The following SPACA1 variants were observed in gnomAD, a reference collection of about 807,000 sequenced individuals.
The protein encoded by SPACA1 is sperm acrosome associated 1, also known as sperm acrosome membrane-associated protein 1.
Under a neutral mutation model 32.6 loss-of-function variants are expected in SPACA1, and 17 were observed. That is an observed-to-expected ratio of 0.52 (90% CI 0.36 to 0.78). The LOEUF is 0.78. SPACA1 is among the 30% of genes least tolerant of loss of function. The probability of loss-of-function intolerance (pLI) is 0.01; values close to 1 mark genes in which losing one functional copy is unlikely to be tolerated. For synonymous variants in SPACA1, 140 were observed against 138.1 expected, an observed-to-expected ratio of 1.01 and a Z score of -0.10; for missense variants, 363 against 373.4, an observed-to-expected ratio of 0.97 and a Z score of 0.23.
intron 2 of SPACA1, among the ~76,000 whole-genome samples, chr6:88,057,007 A>AT (rs1202228700): frequency 6.6e-6 from 1 of 152,160 alleles, no homozygotes; most frequent in Non-Finnish European, 1.5e-5. Flanking sequence ...CTAAAATGTG[A>AT]TTTTTTATTT....
intron 6 of SPACA1, 21 bp from the exon 7 acceptor site, chr6:88,066,161 G>A (rs767279997): frequency 4.5e-6 from 7 of 1,544,772 alleles, no homozygotes; most frequent in Non-Finnish European, 4.4e-6. Context: ...TGGTGGTTTT[G>A]GTTTTTGTTT....
At chr6:88,049,048 C>G (rs1775690123) in intron 1 of SPACA1, among the ~76,000 whole-genome samples, 2 of 152,100 alleles carry the variant, frequency 1.3e-5, no homozygotes, top group Non-Finnish European at 2.9e-5. Context: ...ATCCTCAGCA[C>G]CAACAGAAAG....
chr6:88,065,076 G>A (rs964123584), intron 6 of SPACA1, among the ~76,000 whole-genome samples: 2 of 148,050 alleles, frequency 1.4e-5, no homozygotes, highest in African/African-American at 4.9e-5. Context: ...GGCTTACCAG[G>A]GTGTAATGCT....
intron 6 of SPACA1, among the ~76,000 whole-genome samples, chr6:88,065,235 A>G (rs1409729196): frequency 6.7e-6 from 1 of 148,926 alleles, no homozygotes; most frequent in Non-Finnish European, 1.5e-5. Context: ...ATACATATAT[A>G]GACACATGTA....
At chr6:88,052,800 A>G (rs191174470) in intron 1 of SPACA1, among the ~76,000 whole-genome samples, 5 of 152,228 alleles carry the variant, frequency 3.3e-5, no homozygotes, top group Non-Finnish European at 5.9e-5. Context: ...TCATGCCACT[A>G]CACTCCAGCC....
chr6:88,047,402 T>C (rs186701465), upstream of SPACA1, among the ~76,000 whole-genome samples: 7 of 152,360 alleles, frequency 4.6e-5, no homozygotes, highest in East Asian at 1.2e-3. Flanking sequence ...AAATTGGATA[T>C]TCTGGATAAG....
At chr6:88,054,248 A>T (rs1250882185) in intron 2 of SPACA1, among the ~76,000 whole-genome samples, 2 of 151,260 alleles carry the variant, frequency 1.3e-5, no homozygotes, top group African/African-American at 4.9e-5. Flanking sequence ...TTGCACATAA[A>T]CTGCCTTCAC....
At chr6:88,054,668 T>C (rs1055155631) in intron 2 of SPACA1, among the ~76,000 whole-genome samples, 1 of 151,904 alleles carries the variant, frequency 6.6e-6, no homozygotes, top group Non-Finnish European at 1.5e-5. Context: ...GGAAAGAAAA[T>C]AGTGATGAGA....
chr6:88,062,710 A>G (rs1775915036), intron 5 of SPACA1, among the ~76,000 whole-genome samples: 1 of 152,076 alleles, frequency 6.6e-6, no homozygotes, highest in South Asian at 2.1e-4. Context: ...GCTACTAGGG[A>G]GGCTGAGGTG....
At chr6:88,057,564 G>T in intron 2 of SPACA1, 48 bp from the exon 3 acceptor site, 1 of 1,308,510 alleles carries the variant, frequency 7.6e-7, no homozygotes. Flanking sequence ...AGACACTCTG[G>T]AATCAGTTTT....
intron 1 of SPACA1, among the ~76,000 whole-genome samples, chr6:88,053,074 T>C (rs568565084): frequency 1.3e-5 from 2 of 152,240 alleles, no homozygotes; most frequent in Non-Finnish European, 2.9e-5. Flanking sequence ...AAATGAGGAT[T>C]TTCCTTTCCA....
At chr6:88,064,264 C>T (rs780602347) in intron 6 of SPACA1, 45 bp downstream of exon 6, 28 of 1,573,994 alleles carry the variant, frequency 1.8e-5, no homozygotes, top group South Asian at 2.3e-5. Flanking sequence ...TTGACATCCT[C>T]TTCTTCCCCC....
At chr6:88,051,113 C>T (rs1269975103) in intron 1 of SPACA1, among the ~76,000 whole-genome samples, 2 of 151,460 alleles carry the variant, frequency 1.3e-5, no homozygotes. Flanking sequence ...CGCCACTGCA[C>T]TCCAGCCTGG....
intron 6 of SPACA1, among the ~76,000 whole-genome samples, chr6:88,065,103 A>G (rs905505503): frequency 8.7e-5 from 13 of 148,808 alleles, no homozygotes; most frequent in African/African-American, 2.9e-4. Flanking sequence ...ACTATTATAA[A>G]TATCATCATA....
chr6:88,059,329 T>A (rs1562479893), intron 4 of SPACA1, 124 bp from the exon 5 acceptor site: 1 of 818,008 alleles, frequency 1.2e-6, no homozygotes. Context: ...TCCATGTAGA[T>A]CATTAATTAC....
rs1278043102 is a variant in SPACA1, at chr6:88,066,230, A to G, written c.780A>G (p.Val260=). Residue 260 remains valine, a synonymous_variant, in exon 7 of 7, where the codon GTA becomes GTG. Transcript: ENST00000237201. ...FWGAKASTPE[V]QSEQSSVRYK... is the part of the protein sequence containing the mutation. ...GGGCAAAAGCCTCTACACCTGAGGT[A>G]CAATCCGAGCAGAGTTCTGTGAGAT... 1 of 1,611,942 alleles carries G rather than the reference A, an allele frequency of 6.2e-7. No homozygotes were observed. Among genetic ancestry groups the G allele is most frequent in the Non-Finnish European group, 8.5e-7 (1 of 1,178,630 alleles).
upstream of SPACA1, among the ~76,000 whole-genome samples, chr6:88,046,959 C>T (rs1257807168): frequency 6.6e-6 from 1 of 152,202 alleles, no homozygotes; most frequent in African/African-American, 2.4e-5. Context: ...TCACTTTCAT[C>T]TCACTTGTCA....
At position 88,057,696 on chromosome 6, in the gene SPACA1, G is replaced by C; in HGVS notation, c.350G>C (p.Gly117Ala). Reference protein sequence around the residue: ...KCVVRVEECRGPTDCGWGKPI... With the variant: ...KCVVRVEECRAPTDCGWGKPI... ...GTTGTACGGGTAGAAGAATGCCGTG[G>C]ACCAACAGATTGTGGCTGTGAGTTG... Residue 117 changes from glycine (G) to alanine (A), a missense_variant, in exon 3 of 7, where the codon GGA becomes GCA. Coordinates refer to ENST00000237201, the MANE Select transcript of SPACA1 (RefSeq NM_030960.3). 1 of 1,613,906 alleles carries C rather than the reference G, an allele frequency of 6.2e-7. No homozygotes were observed. The highest frequency in any genetic ancestry group is 8.5e-7 in the Non-Finnish European group (1 of 1,179,842).
rs964510464 is a variant in SPACA1, at chr6:88,066,704, C to T, written c.*369C>T. 1.3e-5 allele frequency: 2 copies of T among 153,988 alleles called. No individual in the cohort carries two copies. The highest frequency in any genetic ancestry group is 4.8e-5 in the African/African-American group (2 of 41,464). The allele number at this position is 153,988 out of a possible 1,614,324, so 9.5% of individuals were successfully genotyped here. A position where few individuals can be genotyped will look rare whatever the true frequency, so the allele number is the denominator to read the frequency against. On this transcript the variant is annotated 3_prime_UTR_variant, in exon 7 of 7. Coordinates refer to ENST00000237201, the MANE Select transcript of SPACA1 (RefSeq NM_030960.3). ...GCTTTACATATTAGACTTTCTCTCC[C>T]CTGGAAGCACTGGGTTGAACTTGCT...
Sources: gnomAD v4.1 joint callset for allele counts (sites outside exome capture counted in the v4.1 genomes callset) on GRCh38, gnomAD v4.1.1 for gene constraint, MANE v1.5 for transcripts, NCBI Gene and HGNC (gene_info 2026-07-23, HGNC 2026-07-21) for gene names.